Variants in NRXN3 observed in about 807,000 individuals in gnomAD.
NRXN3 encodes the protein neurexin III.
Under a neutral mutation model 137.6 loss-of-function variants are expected in NRXN3, and 32 were observed. The ratio of observed to expected loss-of-function variants is 0.23; its 90% confidence interval spans 0.18 to 0.31. The LOEUF (loss-of-function observed/expected upper bound fraction) is 0.31. Among genes scored for constraint, NRXN3 ranks in the 10% least tolerant of loss-of-function variants. The pLI, the probability that NRXN3 is intolerant of heterozygous loss-of-function variation, is 1.00. For missense variants in NRXN3, 1,574 were observed against 2,062.5 expected (o/e 0.76, Z 4.59); for synonymous variants, 798 against 784.5 (o/e 1.02, Z -0.29).
At chr14:78,997,330 A>G (rs1271868211) in intron 15 of NRXN3, among the ~76,000 whole-genome samples, 2 of 152,124 alleles carry the variant, frequency 1.3e-5, no homozygotes, top group Admixed American at 1.3e-4. Flanking sequence ...ATATTTGTAG[A>G]CCATTTTCAT....
intron 8 of NRXN3, among the ~76,000 whole-genome samples, chr14:78,734,531 G>A (rs2098532826): frequency 1.3e-5 from 2 of 152,186 alleles, no homozygotes; most frequent in South Asian, 4.1e-4. Flanking sequence ...GCCTCATGGA[G>A]TTTATAGTCT....
intron 16 of NRXN3, among the ~76,000 whole-genome samples, chr14:79,485,336 TCTC>T (rs2096645600): frequency 1.3e-5 from 2 of 152,142 alleles, no homozygotes; most frequent in African/African-American, 4.8e-5. Flanking sequence ...AAGAATTTCT[TCTC>T]CCCACCACCC....
intron 4 of NRXN3, among the ~76,000 whole-genome samples, chr14:78,642,689 T>C (rs944600002): frequency 3.3e-5 from 5 of 152,224 alleles, no homozygotes; most frequent in African/African-American, 1.2e-4. Context: ...CTACTCTAGA[T>C]CAGGGTCACC....
chr14:79,690,001 G>A (rs1021942005), intron 17 of NRXN3, among the ~76,000 whole-genome samples: 1 of 152,106 alleles, frequency 6.6e-6, no homozygotes, highest in African/African-American at 2.4e-5. Flanking sequence ...GTAGAATGAA[G>A]GTCATTAATA....
intron 10 of NRXN3, among the ~76,000 whole-genome samples, chr14:78,946,755 A>C (rs1353664121): frequency 6.6e-6 from 1 of 152,118 alleles, no homozygotes; most frequent in Non-Finnish European, 1.5e-5. Context: ...AGCGCATGGA[A>C]ATTAGTCCTG....
intron 15 of NRXN3, among the ~76,000 whole-genome samples, chr14:79,043,374 T>A (rs1226143006): frequency 6.6e-6 from 1 of 152,154 alleles, no homozygotes; most frequent in Non-Finnish European, 1.5e-5. Flanking sequence ...TCCAGAAGGA[T>A]GTGGGTGGAG....
At chr14:78,809,235 G>C (rs3742723) in intron 9 of NRXN3, among the ~76,000 whole-genome samples, 127,996 of 152,080 alleles carry the variant, frequency 0.84, 55,072 homozygotes, top group Non-Finnish European at 0.94. Flanking sequence ...ACTAGCTCTG[G>C]CCAGTTGGTC....
intron 3 of NRXN3, among the ~76,000 whole-genome samples, chr14:78,286,582 T>G (rs1490397459): frequency 1.3e-5 from 2 of 152,050 alleles, no homozygotes; most frequent in Non-Finnish European, 2.9e-5. Flanking sequence ...TCCAGGGCAG[T>G]GGGTCCCTTT....
intron 16 of NRXN3, among the ~76,000 whole-genome samples, chr14:79,598,715 G>C (rs914567010): frequency 6.6e-6 from 1 of 152,160 alleles, no homozygotes; most frequent in Non-Finnish European, 1.5e-5. Flanking sequence ...TTGTGGGTTT[G>C]GGGAGAAGCA....
At position 78,295,423 on chromosome 14, in the gene NRXN3, A is replaced by G. The variant is rs142686562; in HGVS notation, c.728-2408A>G. Among the ~76,000 whole-genome samples the G allele has an allele frequency of 3.7e-3, 564 of 152,300 alleles. 7 individuals are homozygous for G. The highest frequency in any genetic ancestry group is 0.012 in the African/African-American group (509 of 41,556). On this transcript the variant is annotated intron_variant, in intron 3 of 20. Coordinates refer to ENST00000335750, the MANE Select transcript of NRXN3 (RefSeq NM_001330195.2). ...CATATGTAGTTTAATAAAACCTGAT[A>G]AGTACATATTTGAATTTTAAAAACA...
At chr14:79,262,173 T>G (rs2077706723) in intron 15 of NRXN3, among the ~76,000 whole-genome samples, 2 of 152,120 alleles carry the variant, frequency 1.3e-5, no homozygotes, top group South Asian at 4.1e-4. Flanking sequence ...AAACATTCTC[T>G]TGGGCCCCTC....
intron 19 of NRXN3, among the ~76,000 whole-genome samples, chr14:79,801,684 T>C (rs985407624): frequency 6.6e-5 from 10 of 152,346 alleles, no homozygotes; most frequent in Non-Finnish European, 1.3e-4. Context: ...CCTTTGAGTC[T>C]GGGCACCATT....
intron 16 of NRXN3, among the ~76,000 whole-genome samples, chr14:79,568,327 C>T (rs951501236): frequency 6.6e-6 from 1 of 152,170 alleles, no homozygotes; most frequent in Non-Finnish European, 1.5e-5. Context: ...AAACTTCATT[C>T]ATTCCCTAGC....
At chr14:78,209,434 T>G (rs749153692) in intron 1 of NRXN3, among the ~76,000 whole-genome samples, 7 of 152,204 alleles carry the variant, frequency 4.6e-5, no homozygotes, top group African/African-American at 1.7e-4. Flanking sequence ...GTTCTCACAC[T>G]GCTATAAAGA....
At chr14:78,800,147 G>A (rs1351664255) in intron 8 of NRXN3, among the ~76,000 whole-genome samples, 2 of 152,134 alleles carry the variant, frequency 1.3e-5, no homozygotes, top group African/African-American at 4.8e-5. Context: ...ATGTGCTTTG[G>A]TGCTTGGAAG....
chr14:78,739,647 T>A (rs1320893190), intron 8 of NRXN3, among the ~76,000 whole-genome samples: 2 of 152,028 alleles, frequency 1.3e-5, no homozygotes, highest in Non-Finnish European at 2.9e-5. Flanking sequence ...ATTTTTGTAT[T>A]TTTTAGTAGA....
chr14:78,632,795 TTAAA>T (rs1381507514), intron 4 of NRXN3, among the ~76,000 whole-genome samples: 1 of 152,204 alleles, frequency 6.6e-6, no homozygotes, highest in African/African-American at 2.4e-5. Context: ...TCTTGTAACT[TTAAA>T]TCACTAAAAC....
intron 6 of NRXN3, among the ~76,000 whole-genome samples, chr14:78,658,803 G>T (rs1273850176): frequency 6.6e-6 from 1 of 152,140 alleles, no homozygotes; most frequent in Non-Finnish European, 1.5e-5. Flanking sequence ...GCACTCTGTG[G>T]GTTTGGAGAT....
chr14:79,521,446 C>T (rs10130369), intron 16 of NRXN3, among the ~76,000 whole-genome samples: 46,007 of 151,916 alleles, frequency 0.3, 9,350 homozygotes, highest in African/African-American at 0.57. Context: ...CTTGTCTTCT[C>T]CTCTCAGTCT....
Sources: allele counts gnomAD v4.1 joint callset (sites outside exome capture counted in the v4.1 genomes callset), GRCh38; gene constraint gnomAD v4.1.1; transcripts MANE v1.5; gene names NCBI Gene and HGNC (gene_info 2026-07-23, HGNC 2026-07-21).